The following PIEZO2 variants were observed in gnomAD, a reference collection of about 807,000 sequenced individuals.
The protein encoded by PIEZO2 is piezo type mechanosensitive ion channel component 2.
PIEZO2 carries 172 observed loss-of-function variants against 337.3 expected under a neutral mutation model. The observed-to-expected ratio is 0.51, with a 90% CI of 0.45 to 0.58. The LOEUF is 0.58. Among genes scored for constraint, PIEZO2 ranks in the 20% least tolerant of loss-of-function variants. The pLI, the probability that PIEZO2 is intolerant of heterozygous loss-of-function variation, is 0.00. For missense variants in PIEZO2, 3,028 were observed against 3,391.3 expected, an observed-to-expected ratio of 0.89 and a Z score of 2.66; for synonymous variants, 1,251 against 1,228.5, an observed-to-expected ratio of 1.02 and a Z score of -0.38.
chr18:10,778,181 C>A lies in PIEZO2; in HGVS notation c.2534+2144G>T, dbSNP rs576619402. Among the ~76,000 whole-genome samples the A allele has an allele frequency of 2.0e-5, 3 of 152,218 alleles. No individual in the cohort carries two copies. In the East Asian group the frequency reaches 5.8e-4, roughly 29 times the overall value. Reference sequence around the variant, plus strand: ...AACATAAAGAAATAATGAGAGAAAGCAAGCTTATATACTTTATTAAAGGAT... The same window carrying A: ...AACATAAAGAAATAATGAGAGAAAGAAAGCTTATATACTTTATTAAAGGAT... On this transcript the variant is annotated intron_variant, in intron 18 of 55. Coordinates refer to ENST00000674853, the MANE Select transcript of PIEZO2 (RefSeq NM_001378183.1).
intron 18 of PIEZO2, among the ~76,000 whole-genome samples, chr18:10,780,022 G>C (rs1396307164): frequency 1.3e-5 from 2 of 152,126 alleles, no homozygotes; most frequent in Non-Finnish European, 2.9e-5. Flanking sequence ...CAAGAGGGAG[G>C]GGAGTTCTCA....
At position 11,099,097 on chromosome 18, in the gene PIEZO2, C is replaced by T. The variant is rs974808742; in HGVS notation, c.65-32875G>A. ...GGGATTACAGGCATCAGCCACTGCA[C>T]CTGGCCTTTTAAAAAGACTGCAGAT... is the stretch of plus-strand genomic sequence containing the variant. On this transcript the variant is annotated intron_variant, in intron 1 of 55. Transcript: ENST00000674853. This position sits in a 1 kb window ranked among gnomAD's most constrained non-coding sequence, Gnocchi z 5.4. Among the ~76,000 whole-genome samples, 20 of 152,038 alleles carry T rather than the reference C, an allele frequency of 1.3e-4. No individual in the cohort carries two copies. Among genetic ancestry groups the T allele is most frequent in the African/African-American group, 4.8e-4 (20 of 41,384 alleles).
rs2040191690 is a variant in PIEZO2, at chr18:11,126,639, T to TC, written c.64+21885_64+21886insG. ...GGAGCCATGCCTTACATATTTTTTT[T>TC]TTTTTGTATTCCCAGAATCGAGCCA... On this transcript the variant is annotated intron_variant, in intron 1 of 55. Transcript: ENST00000674853. This position sits in a 1 kb window ranked among gnomAD's most constrained non-coding sequence, Gnocchi z 4.6. Among the ~76,000 whole-genome samples the TC allele has an allele frequency of 6.6e-6, 1 of 152,166 alleles. No individual in the cohort carries two copies. The highest frequency in any genetic ancestry group is 6.5e-5 in the Admixed American group (1 of 15,280).
intron 34 of PIEZO2, among the ~76,000 whole-genome samples, chr18:10,736,327 C>T (rs137982844): frequency 1.9e-4 from 29 of 152,216 alleles, no homozygotes; most frequent in Middle Eastern, 3.4e-3. Flanking sequence ...GTTCACCCAA[C>T]GAAGCTTTAT....
At position 10,763,079 on chromosome 18, in the gene PIEZO2, A is replaced by G. The variant is rs573025837; in HGVS notation, c.2966T>C (p.Val989Ala). 1 of 1,537,240 alleles carries G rather than the reference A, an allele frequency of 6.5e-7. No individual in the cohort carries two copies. Among genetic ancestry groups the G allele is most frequent in the Non-Finnish European group, 8.7e-7 (1 of 1,146,914 alleles). ...AGCAAAAGCCCAAGAAATCAAAAAT[A>G]CATAGTTGAACAGAGACACCTGAAA... The part of the protein sequence containing the change: ...SVKEVSLFNY[V>A]FLISWAFALP... Residue 989 changes from valine to alanine, a missense_variant, in exon 22 of 56, where the codon GTA (valine) becomes GCA (alanine). Val to Ala is a moderately conservative substitution (Grantham distance 64, BLOSUM62 0). Coordinates refer to ENST00000674853, the MANE Select transcript of PIEZO2 (RefSeq NM_001378183.1).
At chr18:10,926,954 C>G (rs985790400) in intron 3 of PIEZO2, among the ~76,000 whole-genome samples, 5 of 152,206 alleles carry the variant, frequency 3.3e-5, no homozygotes, top group Admixed American at 6.5e-5. Flanking sequence ...CAGACACTTC[C>G]TGCCGCACAA....
At chr18:11,037,155 C>T (rs774883842) in intron 2 of PIEZO2, among the ~76,000 whole-genome samples, 26 of 152,104 alleles carry the variant, frequency 1.7e-4, no homozygotes, top group Admixed American at 5.9e-4. Context: ...GTAGTAGAGA[C>T]GGGGTTTCAC....
rs189187173 is a variant in PIEZO2, at chr18:10,936,936, T to A, written c.287-25708A>T. Among the ~76,000 whole-genome samples, 649 of 152,178 alleles carry A rather than the reference T, an allele frequency of 4.3e-3. 6 individuals carry two copies. The highest frequency in any genetic ancestry group is 7.5e-3 in the Non-Finnish European group (510 of 68,004). ...TAGCTACTGACTCCCTCCTTGTGAA[T>A]CCCCCCATGACTTCTTCCCTTACGG... On this transcript the variant is annotated intron_variant, in intron 3 of 55. Transcript: ENST00000674853.
rs370021633 is a variant in PIEZO2, at chr18:10,736,586, G to T, written c.4815+18C>A. On this transcript the variant is annotated intron_variant, in intron 34 of 55. Coordinates refer to ENST00000674853, the MANE Select transcript of PIEZO2 (RefSeq NM_001378183.1). ...AAGCTCTTCCAACTAGCAAAGAAAT[G>T]ATTTTCCCCATAATTACCTGGAATG... The T allele has an allele frequency of 2.6e-6, 4 of 1,536,770 alleles. No homozygotes were observed. Among genetic ancestry groups the T allele is most frequent in the East Asian group, 2.4e-5 (1 of 40,890 alleles).
intron 2 of PIEZO2, among the ~76,000 whole-genome samples, chr18:10,992,641 T>C (rs2035154203): frequency 6.6e-6 from 1 of 152,230 alleles, no homozygotes; most frequent in Non-Finnish European, 1.5e-5. Context: ...CCTTGTAGTA[T>C]AGTTTGAAGT....
intron 2 of PIEZO2, among the ~76,000 whole-genome samples, chr18:11,019,593 GT>G (rs1371029391): frequency 6.0e-4 from 92 of 152,214 alleles, no homozygotes; most frequent in African/African-American, 2.2e-3. Context: ...CAGTTTTCTA[GT>G]TTCTCTTGTG....
intron 2 of PIEZO2, among the ~76,000 whole-genome samples, chr18:11,023,373 T>C (rs1364034371): frequency 1.3e-5 from 2 of 151,956 alleles, no homozygotes; most frequent in East Asian, 3.9e-4. Context: ...ATACAGAGGG[T>C]CCACACAAAG....
intron 5 of PIEZO2, among the ~76,000 whole-genome samples, chr18:10,866,345 G>T (rs2042004963): frequency 6.6e-6 from 1 of 151,226 alleles, no homozygotes; most frequent in African/African-American, 2.4e-5. Context: ...GAGTGCAGTG[G>T]CGTGACCTTG....
At position 10,780,932 on chromosome 18, in the gene PIEZO2, C is replaced by T. The variant is rs193094194; in HGVS notation, c.2493-566G>A. Among the ~76,000 whole-genome samples, 823 of 151,358 alleles carry T rather than the reference C, an allele frequency of 5.4e-3. 2 individuals carry two copies. The highest frequency in any genetic ancestry group is 7.5e-3 in the Non-Finnish European group (510 of 67,870). ...CCCTCCTCAGCCTCCCAAAGTGCTG[C>T]GATTACAGGTGTGAGACACAGTGCC... On this transcript the variant is annotated intron_variant, in intron 17 of 55. Transcript: ENST00000674853.
chr18:10,970,659 TTCAC>T (rs2034200576), intron 3 of PIEZO2, among the ~76,000 whole-genome samples: 1 of 117,234 alleles, frequency 8.5e-6, no homozygotes, highest in African/African-American at 4.1e-5. Flanking sequence ...AAAAAGATGT[TTCAC>T]ACACACACAC....
chr18:11,100,521 T>C (rs2039380419), intron 1 of PIEZO2, among the ~76,000 whole-genome samples: 1 of 152,210 alleles, frequency 6.6e-6, no homozygotes, highest in Non-Finnish European at 1.5e-5. Flanking sequence ...CTTCAACTTG[T>C]GCCATGCCAA....
At chr18:11,114,318 A>G (rs865996358) in intron 1 of PIEZO2, among the ~76,000 whole-genome samples, 2 of 152,346 alleles carry the variant, frequency 1.3e-5, no homozygotes, top group South Asian at 2.1e-4. Context: ...AGCTCTTTAC[A>G]ATGACAAGAA....
In PIEZO2 at chr18:10,982,822, G is replaced by A. The variant is rs1437739305; in HGVS notation, c.161-3162C>T. Among the ~76,000 whole-genome samples, 2 of 152,182 alleles carry A rather than the reference G, an allele frequency of 1.3e-5. No individual in the cohort carries two copies. Among genetic ancestry groups the A allele is most frequent in the East Asian group, 1.9e-4 (1 of 5,170 alleles). On this transcript the variant is annotated intron_variant, in intron 2 of 55. Coordinates refer to ENST00000674853, the MANE Select transcript of PIEZO2 (RefSeq NM_001378183.1). The surrounding 1 kb of genome is among the most constrained non-coding windows in gnomAD (Gnocchi z 4.1). ...TGCAACTTCCACCTCCCAGGTTCAAGCGATTCTTGTGCCTCAGCCTTCTGA... is the reference window on the plus strand; with the variant it reads ...TGCAACTTCCACCTCCCAGGTTCAAACGATTCTTGTGCCTCAGCCTTCTGA...
At chr18:10,849,687 T>C (rs931292384) in intron 7 of PIEZO2, among the ~76,000 whole-genome samples, 3 of 152,220 alleles carry the variant, frequency 2.0e-5, no homozygotes, top group Non-Finnish European at 4.4e-5. Flanking sequence ...CTCATAACAT[T>C]AATTCTTCCA....
Sources: allele counts gnomAD v4.1 joint callset (sites outside exome capture counted in the v4.1 genomes callset), GRCh38; gene constraint gnomAD v4.1.1; non-coding constraint Gnocchi (gnomAD v3.1); transcripts MANE v1.5; gene names NCBI Gene and HGNC (gene_info 2026-07-23, HGNC 2026-07-21).